Variants in EXO1 observed in about 807,000 individuals in gnomAD.
EXO1 encodes the protein exonuclease 1.
EXO1 carries 69 observed loss-of-function variants against 84.5 expected under a neutral mutation model. The ratio of observed to expected loss-of-function variants is 0.82; its 90% CI spans 0.67 to 1.00. The LOEUF is 1.00. EXO1 is among the 50% of genes least tolerant of loss of function. EXO1 has a pLI of 0.00. For synonymous variants in EXO1, 373 were observed against 366.1 expected (o/e 1.02, Z -0.21); for missense variants, 1,045 against 1,000.7 (o/e 1.04, Z -0.60).
At chr1:241,888,694 C>T (rs929620537) in intron 15 of EXO1, among the ~76,000 whole-genome samples, 1 of 152,114 alleles carries the variant, frequency 6.6e-6, no homozygotes, top group African/African-American at 2.4e-5. Flanking sequence ...ATAGAATTAC[C>T]TGTAATATCT....
intron 13 of EXO1, among the ~76,000 whole-genome samples, chr1:241,879,899 C>T (rs982159678): frequency 2.0e-5 from 3 of 150,892 alleles, no homozygotes; most frequent in Non-Finnish European, 4.4e-5. Flanking sequence ...CCCAGCTATT[C>T]GGGAGGCTGA....
intron 6 of EXO1, 73 bp from the exon 7 acceptor site, chr1:241,857,272 G>A: frequency 6.9e-7 from 1 of 1,446,406 alleles, no homozygotes; most frequent in South Asian, 1.2e-5. Flanking sequence ...GTAATAAAGT[G>A]GGTTTGAAAC....
Position 241,866,819 on chromosome 1 carries a change from T to C in EXO1, c.1042-11T>C, listed in dbSNP as rs539525213. 69 of 1,572,380 alleles carry C rather than the reference T, an allele frequency of 4.4e-5. No individual in the cohort carries two copies. In the East Asian group the frequency reaches 1.1e-3, roughly 24 times the overall value. ...TTTCTGCAAATAATCTTTTTCCTTT[T>C]CCTTTTCTAGCCTGCCCATTCAAGA... On this transcript the variant is annotated splice_polypyrimidine_tract_variant and intron_variant, in intron 10 of 15. Coordinates refer to ENST00000366548, the MANE Select transcript of EXO1 (RefSeq NM_130398.4).
At chr1:241,865,474 G>T (rs535476998) in intron 10 of EXO1, among the ~76,000 whole-genome samples, 77 of 150,704 alleles carry the variant, frequency 5.1e-4, no homozygotes, top group Non-Finnish European at 6.8e-4. Flanking sequence ...GCCTCCCAAA[G>T]TGCTGGGATT....
chr1:241,877,348 A>G (rs1332852110), intron 12 of EXO1, among the ~76,000 whole-genome samples: 1 of 152,054 alleles, frequency 6.6e-6, no homozygotes, highest in African/African-American at 2.4e-5. Context: ...TTGCCTGTGA[A>G]ATGATATGTA....
intron 12 of EXO1, among the ~76,000 whole-genome samples, chr1:241,878,058 CAA>C (rs1662501055): frequency 6.6e-6 from 1 of 152,132 alleles, no homozygotes; most frequent in Admixed American, 6.6e-5. Flanking sequence ...GTGGAAGATA[CAA>C]AGACATGGGA....
At chr1:241,882,481 T>C (rs1177412032) in intron 14 of EXO1, among the ~76,000 whole-genome samples, 6 of 152,184 alleles carry the variant, frequency 3.9e-5, no homozygotes, top group Non-Finnish European at 8.8e-5. Context: ...CTAGAAACTG[T>C]GTACCCATGA....
chr1:241,854,207 G>A (rs535803503), intron 6 of EXO1, among the ~76,000 whole-genome samples: 1 of 152,144 alleles, frequency 6.6e-6, no homozygotes, highest in South Asian at 2.1e-4. Context: ...GCACGATGTG[G>A]GCTCACTGCA....
intron 10 of EXO1, among the ~76,000 whole-genome samples, chr1:241,863,423 CAAAA>C (rs11458545): frequency 4.8e-5 from 7 of 144,768 alleles, no homozygotes; most frequent in Non-Finnish European, 1.1e-4. Context: ...AAAAAAAAAA[CAAAA>C]AAAGCGTATG....
In EXO1 at chr1:241,872,281, A is replaced by G. The variant is rs745828086; in HGVS notation, c.1514+3A>G. The G allele has an allele frequency of 8.1e-6, 13 of 1,613,702 alleles. No individual in the cohort carries two copies. Among genetic ancestry groups the G allele is most frequent in the Middle Eastern group, 1.6e-4 (1 of 6,084 alleles). Reference sequence around the variant, plus strand: ...GTGGTTCCAGGGACCAGAAGCAGGTATAGTTATGTCTCCAGAATGTTGATT... The same window carrying G: ...GTGGTTCCAGGGACCAGAAGCAGGTGTAGTTATGTCTCCAGAATGTTGATT... On this transcript the variant is annotated splice_donor_region_variant and intron_variant, in intron 12 of 15. Transcript: ENST00000366548.
In EXO1 at chr1:241,879,381, A is replaced by G. The variant is rs755431293; in HGVS notation, c.2109+38A>G. 1.5e-6 allele frequency: 2 copies of G among 1,300,276 alleles called. 1 individual carries two copies. The highest frequency in any genetic ancestry group is 2.2e-6 in the Non-Finnish European group (2 of 905,302). The allele number at this position is 1,300,276 out of a possible 1,614,324, so 80.5% of individuals were successfully genotyped here. On this transcript the variant is annotated intron_variant, in intron 13 of 15. Transcript: ENST00000366548. ...CTGAAGGCTTTGTTTTCAAATTTATATGTAAGAAAAAATAGATTGTTGCTC... is the reference window on the plus strand; with the variant it reads ...CTGAAGGCTTTGTTTTCAAATTTATGTGTAAGAAAAAATAGATTGTTGCTC...
chr1:241,881,841 AAT>A (rs1256121349), intron 13 of EXO1, 73 bp from the exon 14 acceptor site: 26 of 711,766 alleles, frequency 3.7e-5, no homozygotes, highest in Non-Finnish European at 5.5e-5. Flanking sequence ...CATTTTGTTG[AAT>A]ATTAGTTTGT....
intron 4 of EXO1, among the ~76,000 whole-genome samples, chr1:241,850,921 G>A (rs1350031211): frequency 7.6e-6 from 1 of 131,250 alleles, no homozygotes; most frequent in East Asian, 2.5e-4. Flanking sequence ...TGCAACCTCC[G>A]CCTCCCAGGT....
intron 15 of EXO1, 124 bp from the exon 16 acceptor site, chr1:241,889,341 G>A (rs1663251858): frequency 4.8e-6 from 4 of 829,488 alleles, no homozygotes; most frequent in Non-Finnish European, 8.0e-6. Context: ...ATAATGAATT[G>A]AAAGAGATCG....
chr1:241,872,031 G>T lies in EXO1; in HGVS notation c.1268-1G>T, dbSNP rs1662128019. 1 of 1,611,554 alleles carries T rather than the reference G, an allele frequency of 6.2e-7. No individual in the cohort carries two copies. The highest frequency in any genetic ancestry group is 8.5e-7 in the Non-Finnish European group (1 of 1,178,742). On this transcript the variant is annotated splice_acceptor_variant, in intron 11 of 15. Transcript: ENST00000366548. LOFTEE classifies it high-confidence loss of function. ...TTACAGATAATTTTGTTTTTATTTAGCAGAGCTGTCAGAAGATGACCTGTT... is the reference window on the plus strand; with the variant it reads ...TTACAGATAATTTTGTTTTTATTTATCAGAGCTGTCAGAAGATGACCTGTT...
intron 11 of EXO1, among the ~76,000 whole-genome samples, chr1:241,870,299 A>G (rs2148474249): frequency 6.6e-6 from 1 of 152,330 alleles, no homozygotes; most frequent in South Asian, 2.1e-4. Context: ...AAAGAACTAG[A>G]GTAAGTTTAA....
chr1:241,878,243 A>C (rs1202943163), intron 12 of EXO1, among the ~76,000 whole-genome samples: 4 of 152,350 alleles, frequency 2.6e-5, no homozygotes, highest in Middle Eastern at 3.4e-3. Context: ...TCACGCCTGT[A>C]ATCCCAACAC....
chr1:241,857,203 ACT>A (rs1226723683), intron 6 of EXO1, 140 bp from the exon 7 acceptor site: 6 of 767,806 alleles, frequency 7.8e-6, no homozygotes, highest in Non-Finnish European at 1.3e-5. Context: ...CAGTAGAAAA[ACT>A]CTACTTCAAA....
At chr1:241,869,080 C>T (rs945354173) in intron 11 of EXO1, among the ~76,000 whole-genome samples, 2 of 152,072 alleles carry the variant, frequency 1.3e-5, no homozygotes, top group East Asian at 3.9e-4. Flanking sequence ...CCTTTTATTT[C>T]TTTTTCTTAG....
Sources: gnomAD v4.1 joint callset for allele counts (sites outside exome capture counted in the v4.1 genomes callset) on GRCh38, gnomAD v4.1.1 for gene constraint, MANE v1.5 for transcripts, NCBI Gene and HGNC (gene_info 2026-07-23, HGNC 2026-07-21) for gene names.